The following STAG1 variants were observed in gnomAD, a reference collection of about 807,000 sequenced individuals.
The protein encoded by STAG1 is STAG1 cohesin complex component.
STAG1 carries 26 observed loss-of-function variants against 170.9 expected under a neutral mutation model. The observed-to-expected ratio is 0.15, with a 90% CI of 0.11 to 0.21. The LOEUF (loss-of-function observed/expected upper bound fraction) is 0.21, where lower values mean the gene tolerates loss of function less well. Ranked by LOEUF, STAG1 falls within the 10% of genes least tolerant of loss-of-function variation. The pLI, the probability that STAG1 is intolerant of heterozygous loss-of-function variation, is 1.00. For synonymous variants in STAG1, 514 were observed against 497.7 expected, an observed-to-expected ratio of 1.03 and a Z score of -0.44; for missense variants, 964 against 1,509.5, an observed-to-expected ratio of 0.64 and a Z score of 5.99.
chr3:136,601,367 T>C (rs563183483), intron 4 of STAG1, among the ~76,000 whole-genome samples: 1 of 152,066 alleles, frequency 6.6e-6, no homozygotes, highest in South Asian at 2.1e-4. Flanking sequence ...GTAAAAAATA[T>C]TAATAATTAA....
chr3:136,610,933 A>G (rs553277367), intron 3 of STAG1, among the ~76,000 whole-genome samples: 2 of 152,210 alleles, frequency 1.3e-5, no homozygotes, highest in East Asian at 3.9e-4. Context: ...TTTAATCATC[A>G]TCATAGTTTC....
chr3:136,461,206 C>G (rs2089263655), intron 13 of STAG1, among the ~76,000 whole-genome samples: 1 of 152,136 alleles, frequency 6.6e-6, no homozygotes, highest in Non-Finnish European at 1.5e-5. Flanking sequence ...CCACATATGA[C>G]AAACCCACAG....
In STAG1 at chr3:136,338,069, C is replaced by CAACA; in HGVS notation, c.*181_*184dup. 1 of 564,404 alleles carries CAACA rather than the reference C, an allele frequency of 1.8e-6. No individual in the cohort carries two copies. The highest frequency in any genetic ancestry group is 2.6e-5 in the South Asian group (1 of 38,226). The allele number at this position is 564,404 out of a possible 1,614,324, so 35.0% of individuals were successfully genotyped here. A position where few individuals can be genotyped will look rare whatever the true frequency, so the allele number is the denominator to read the frequency against. ...TCAGTCTTTCTGAGTTGACATTCAC[C>CAACA]AACATTCCCTTGGGTAATTTACATG... On this transcript the variant is annotated 3_prime_UTR_variant, in exon 34 of 34. Transcript: ENST00000383202.
intron 21 of STAG1, among the ~76,000 whole-genome samples, chr3:136,409,090 C>A (rs979161475): frequency 1.3e-5 from 2 of 151,836 alleles, no homozygotes; most frequent in African/African-American, 2.4e-5. Context: ...CATGGTGAAA[C>A]CCTGTTTCTA....
At chr3:136,623,772 T>C (rs866835655) in intron 2 of STAG1, among the ~76,000 whole-genome samples, 27 of 151,968 alleles carry the variant, frequency 1.8e-4, no homozygotes, top group African/African-American at 2.4e-4. Flanking sequence ...CTGGCCAACA[T>C]AGTAAAACCC....
In STAG1 at chr3:136,601,423, TAAG is replaced by T. The variant is rs1308116803; in HGVS notation, c.297+2883_297+2885del. Among the ~76,000 whole-genome samples, 9 of 152,034 alleles carry T rather than the reference TAAG, an allele frequency of 5.9e-5. No homozygotes were observed. The East Asian group carries it at 7.7e-4, about 13-fold the overall frequency. ...GAAGCAGATTTCAAGAGAGAAACAG[TAAG>T]AAGAAGTTGAAAGGTGGGTTAACAC... On this transcript the variant is annotated intron_variant, in intron 4 of 33. Coordinates refer to ENST00000383202, the MANE Select transcript of STAG1 (RefSeq NM_005862.3).
At chr3:136,463,336 T>A (rs1251783879) in intron 13 of STAG1, among the ~76,000 whole-genome samples, 1 of 152,200 alleles carries the variant, frequency 6.6e-6, no homozygotes, top group Non-Finnish European at 1.5e-5. Context: ...TAGCACTGAA[T>A]GCAGATACTG....
In STAG1 at chr3:136,618,883, G is replaced by A. The variant is rs548969752; in HGVS notation, c.132+4263C>T. 5.9e-5 allele frequency among the ~76,000 whole-genome samples: 9 copies of A among 151,950 alleles called. No individual in the cohort carries two copies. In the East Asian group the frequency reaches 1.2e-3, roughly 20 times the overall value. On this transcript the variant is annotated intron_variant, in intron 3 of 33. Coordinates refer to ENST00000383202, the MANE Select transcript of STAG1 (RefSeq NM_005862.3). ...TAAACTATTAGAAATAAAGTGCTGC[G>A]AAGAGATATTCTACAAAACAATACT...
At chr3:136,655,121 A>C (rs1473271786) in intron 1 of STAG1, among the ~76,000 whole-genome samples, 1 of 152,218 alleles carries the variant, frequency 6.6e-6, no homozygotes, top group Non-Finnish European at 1.5e-5. Context: ...ACAACAAAAG[A>C]AAAACAGGCA....
intron 28 of STAG1, among the ~76,000 whole-genome samples, chr3:136,352,266 A>G (rs1936462351): frequency 6.6e-6 from 1 of 152,134 alleles, no homozygotes; most frequent in African/African-American, 2.4e-5. Flanking sequence ...GGCTCAAGCC[A>G]TCTTCCCACC....
At chr3:136,724,175 G>A (rs1266663602) in intron 1 of STAG1, among the ~76,000 whole-genome samples, 1 of 152,138 alleles carries the variant, frequency 6.6e-6, no homozygotes, top group Non-Finnish European at 1.5e-5. Flanking sequence ...GAGAAAGGCG[G>A]GGAAAGGATT....
chr3:136,459,982 A>T (rs919446113), intron 13 of STAG1, among the ~76,000 whole-genome samples: 1 of 152,184 alleles, frequency 6.6e-6, no homozygotes, highest in Non-Finnish European at 1.5e-5. Context: ...AACAACAACA[A>T]CATCAAAAAA....
intron 13 of STAG1, among the ~76,000 whole-genome samples, chr3:136,458,811 A>T (rs2107788073): frequency 6.6e-6 from 1 of 152,348 alleles, no homozygotes. Context: ...ACACACACAG[A>T]CTGAAAGTGA....
intron 3 of STAG1, 41 bp downstream of exon 3, chr3:136,623,105 G>C: frequency 6.6e-7 from 1 of 1,524,884 alleles, no homozygotes; most frequent in Non-Finnish European, 9.0e-7. Context: ...CATTAACACG[G>C]TCACTATTAA....
intron 21 of STAG1, among the ~76,000 whole-genome samples, chr3:136,401,251 T>C (rs1226111094): frequency 6.6e-6 from 1 of 152,232 alleles, no homozygotes; most frequent in Non-Finnish European, 1.5e-5. Flanking sequence ...TGCAGTAAGA[T>C]ACATCAAGTA....
intron 4 of STAG1, among the ~76,000 whole-genome samples, chr3:136,592,378 A>G (rs903431770): frequency 1.3e-5 from 2 of 151,854 alleles, no homozygotes; most frequent in African/African-American, 4.8e-5. Context: ...CCCTGCTAGC[A>G]CTCATTTTCT....
At chr3:136,588,672 G>A (rs1937974102) in intron 4 of STAG1, among the ~76,000 whole-genome samples, 1 of 151,828 alleles carries the variant, frequency 6.6e-6, no homozygotes, top group African/African-American at 2.4e-5. Context: ...CTGTTGCCCA[G>A]GCTGGAGTGC....
At position 136,360,989 on chromosome 3, in the gene STAG1, G is replaced by A. The variant is rs111604738; in HGVS notation, c.2788-1693C>T. ...AACTTTAAAATGTTTTCACATATTG[G>A]TATATACAATAGCCTTAAACTTTAA... On this transcript the variant is annotated intron_variant, in intron 26 of 33. Transcript: ENST00000383202. 8.0e-3 allele frequency among the ~76,000 whole-genome samples: 1,218 copies of A among 152,244 alleles called. 15 individuals are homozygous for A. The highest frequency in any genetic ancestry group is 0.028 in the African/African-American group (1,160 of 41,542).
intron 12 of STAG1, among the ~76,000 whole-genome samples, chr3:136,470,049 C>T (rs1408178614): frequency 3.3e-5 from 5 of 152,170 alleles, no homozygotes; most frequent in African/African-American, 1.2e-4. Flanking sequence ...AAAACTTAGG[C>T]AATACCATTC....
Sources: allele counts gnomAD v4.1 joint callset (sites outside exome capture counted in the v4.1 genomes callset), GRCh38; gene constraint gnomAD v4.1.1; transcripts MANE v1.5; gene names NCBI Gene and HGNC (gene_info 2026-07-23, HGNC 2026-07-21).